Variants in PCDHA1 observed in about 807,000 individuals in gnomAD.
The protein encoded by PCDHA1 is protocadherin alpha-1.
A neutral mutation model predicts 61.3 loss-of-function variants in PCDHA1; 42 were observed. The observed-to-expected ratio is 0.69, with a 90% CI of 0.54 to 0.89. The LOEUF (loss-of-function observed/expected upper bound fraction) is 0.89, where lower values mean the gene tolerates loss of function less well. PCDHA1 is among the 40% of genes least tolerant of loss of function. PCDHA1 has a pLI of 0.00. For synonymous variants in PCDHA1, 610 were observed against 553.8 expected, an observed-to-expected ratio of 1.10 and a Z score of -1.43; for missense variants, 1,256 against 1,235.3, an observed-to-expected ratio of 1.02 and a Z score of -0.25.
At chr5:140,997,837 T>G (rs1414415987) in intron 3 of PCDHA1, among the ~76,000 whole-genome samples, 2 of 152,222 alleles carry the variant, frequency 1.3e-5, no homozygotes, top group African/African-American at 4.8e-5. Context: ...AACAATACAA[T>G]ATACATTCTT....
intron 1 of PCDHA1, among the ~76,000 whole-genome samples, chr5:140,793,923 C>T (rs1467234073): frequency 5.3e-5 from 8 of 152,104 alleles, no homozygotes; most frequent in African/African-American, 1.4e-4. Flanking sequence ...AATTAAATCA[C>T]AAAACAACAG....
Position 140,835,250 on chromosome 5 carries a change from A to G in PCDHA1, c.2394+46566A>G, listed in dbSNP as rs1313960035. 30 of 1,605,300 alleles carry G rather than the reference A, an allele frequency of 1.9e-5. No individual in the cohort carries two copies. In the African/African-American group the frequency reaches 3.1e-4, roughly 17 times the overall value. ...TCTCCAGTGATGTTTCTCCAGATAT[A>G]AAATCCAAGTTCCACATGGACCCCT... On this transcript the variant is annotated intron_variant, in intron 1 of 3. Transcript: ENST00000504120.
At chr5:140,843,056 A>C in intron 1 of PCDHA1, 1 of 1,594,198 alleles carries the variant, frequency 6.3e-7, no homozygotes, top group Non-Finnish European at 8.6e-7. Context: ...CGCAGCGAGC[A>C]AGCTGGTGCC....
chr5:140,803,261 C>T (rs1554122677), intron 1 of PCDHA1: 2 of 1,613,938 alleles, frequency 1.2e-6, no homozygotes, highest in African/African-American at 2.7e-5. Context: ...GCGCCACGGG[C>T]CCGGAAGCTG....
chr5:140,795,870 C>A (rs1373604983), intron 1 of PCDHA1: 6 of 1,613,836 alleles, frequency 3.7e-6, no homozygotes, highest in Non-Finnish European at 5.1e-6. Context: ...CAGGGGAAAT[C>A]AGAACTAAGG....
At chr5:140,863,975 T>G (rs1429361559) in intron 1 of PCDHA1, 2 of 153,508 alleles carry the variant, frequency 1.3e-5, no homozygotes, top group Non-Finnish European at 2.9e-5. Context: ...CACTACAGCC[T>G]GGGAGACAGG....
intron 1 of PCDHA1, chr5:140,866,014 C>A (rs187025106): frequency 1.3e-5 from 2 of 152,026 alleles, no homozygotes; most frequent in East Asian, 3.9e-4. Flanking sequence ...TGATTTTTTT[C>A]TTGTAAGAGT....
intron 1 of PCDHA1, chr5:140,858,518 A>G: frequency 7.0e-7 from 1 of 1,420,434 alleles, no homozygotes; most frequent in African/African-American, 1.4e-5. Context: ...TATGTATCAG[A>G]ATATTTCATT....
rs1047587407 is a variant in PCDHA1 at position 140,847,610 on chromosome 5, C to G, written c.2394+58926C>G. 4.0e-5 allele frequency: 6 copies of G among 149,370 alleles called. 1 individual carries two copies. The highest frequency in any genetic ancestry group is 1.5e-4 in the African/African-American group (6 of 40,758). 9.3% of individuals were successfully genotyped at this position (149,370 alleles called of 1,614,324 possible). On this transcript the variant is annotated intron_variant, in intron 1 of 3. Coordinates refer to ENST00000504120, the MANE Select transcript of PCDHA1 (RefSeq NM_018900.4). ...ATGAAATTAAAACATATTGTAATAACATTACACAAACTATATTGGAGACTA... is the reference window on the plus strand; with the variant it reads ...ATGAAATTAAAACATATTGTAATAAGATTACACAAACTATATTGGAGACTA...
chr5:140,788,084 C>G lies in PCDHA1; in HGVS notation c.1794C>G (p.Asp598Glu). Residue 598 changes from aspartate (D) to glutamate (E), a missense_variant, in exon 1 of 4, where the codon GAC (aspartate) becomes GAG (glutamate). Transcript: ENST00000504120. ...TGGTGGCGAAGGTGCGCGCAGTGGA[C>G]GCCGACTCGGGCTACAACGCGTGGC... The part of the protein sequence containing the change: ...GHVVAKVRAV[D>E]ADSGYNAWLS... The G allele has an allele frequency of 6.2e-7, 1 of 1,613,996 alleles. No homozygotes were observed. Among genetic ancestry groups the G allele is most frequent in the Non-Finnish European group, 8.5e-7 (1 of 1,179,906 alleles).
chr5:141,004,094 G>A (rs962663466), intron 3 of PCDHA1, among the ~76,000 whole-genome samples: 1 of 152,194 alleles, frequency 6.6e-6, no homozygotes, highest in Non-Finnish European at 1.5e-5. Context: ...TGCTTCTTCC[G>A]TTTTCATCTT....
chr5:140,941,862 T>G (rs1007783083), intron 1 of PCDHA1, among the ~76,000 whole-genome samples: 33 of 152,238 alleles, frequency 2.2e-4, no homozygotes, highest in African/African-American at 7.7e-4. Context: ...TTCCCTATCA[T>G]AGAGTTCTAT....
rs146303235 is a variant in PCDHA1 at position 140,809,159 on chromosome 5, G to T, written c.2394+20475G>T. ...ACTGGTGAAGGACCACGGCGAGCCC[G>T]CGCTGACGGCCACGGCCACTGTGCT... On this transcript the variant is annotated intron_variant, in intron 1 of 3. Transcript: ENST00000504120. The T allele has an allele frequency of 6.2e-6, 10 of 1,613,942 alleles. No homozygotes were observed. Among genetic ancestry groups the T allele is most frequent in the African/African-American group, 5.3e-5 (4 of 75,054 alleles).
At chr5:140,922,072 A>C (rs1390677282) in intron 1 of PCDHA1, among the ~76,000 whole-genome samples, 1 of 152,198 alleles carries the variant, frequency 6.6e-6, no homozygotes, top group East Asian at 1.9e-4. Context: ...AATCCCACTA[A>C]GCAAAAAGTG....
chr5:140,896,260 G>A (rs1304707341), intron 1 of PCDHA1, among the ~76,000 whole-genome samples: 1 of 152,230 alleles, frequency 6.6e-6, no homozygotes, highest in African/African-American at 2.4e-5. Context: ...TATGTACACA[G>A]TTATGGGATT....
chr5:140,969,028 A>G (rs1554231371), intron 1 of PCDHA1: 1 of 1,614,208 alleles, frequency 6.2e-7, no homozygotes, highest in Non-Finnish European at 8.5e-7. Context: ...GGTCCCCTGC[A>G]GAACTGTACA....
intron 1 of PCDHA1, among the ~76,000 whole-genome samples, chr5:140,899,914 C>A (rs1408569942): frequency 2.0e-5 from 3 of 151,952 alleles, no homozygotes; most frequent in Admixed American, 6.6e-5. Flanking sequence ...CTCAAGCAAT[C>A]CTCCTGCCTC....
Position 140,788,177 on chromosome 5 carries a change from C to A in PCDHA1, c.1887C>A (p.Gly629=), listed in dbSNP as rs782491014. The A allele has an allele frequency of 1.9e-6, 3 of 1,613,898 alleles. No homozygotes were observed. The highest frequency in any genetic ancestry group is 3.3e-5 in the Admixed American group (2 of 60,002). ...CGTTCCGCGTGGGGCTGTACACGGG[C>A]GAGATCAGCACGACTCGTGTCCTGG... ...RIPFRVGLYT[G]EISTTRVLDE... Residue 629 remains glycine (G), a synonymous_variant, in exon 1 of 4, where the codon GGC becomes GGA. Transcript: ENST00000504120.
At position 140,848,431 on chromosome 5, in the gene PCDHA1, A is replaced by T; in HGVS notation, c.2394+59747A>T. On this transcript the variant is annotated intron_variant, in intron 1 of 3. Transcript: ENST00000504120. ...GAACACAGCAGAATGGGACTGACGAAATCAGATGATTTCTTCTAATTTGGA... is the reference window on the plus strand; with the variant it reads ...GAACACAGCAGAATGGGACTGACGATATCAGATGATTTCTTCTAATTTGGA... 2.7e-6 allele frequency: 4 copies of T among 1,467,178 alleles called. 2 individuals are homozygous for T. The highest frequency in any genetic ancestry group is 3.7e-6 in the Non-Finnish European group (4 of 1,073,724). 90.9% of individuals were successfully genotyped at this position (1,467,178 alleles called of 1,614,324 possible). A position where few individuals can be genotyped will look rare whatever the true frequency, so the allele number is the denominator to read the frequency against.
Sources: gnomAD v4.1 joint callset for allele counts (sites outside exome capture counted in the v4.1 genomes callset) on GRCh38, gnomAD v4.1.1 for gene constraint, MANE v1.5 for transcripts, NCBI Gene and HGNC (gene_info 2026-07-23, HGNC 2026-07-21) for gene names.